The following DPP6 variants were observed in gnomAD, a reference collection of about 807,000 sequenced individuals.
The protein encoded by DPP6 is dipeptidyl peptidase like 6.
In DPP6, 69 loss-of-function variants were observed where a neutral mutation model predicts 122.6. That is an observed-to-expected ratio of 0.56 (90% CI 0.46 to 0.69). DPP6 has a LOEUF of 0.69. Ranked by LOEUF, DPP6 falls within the 30% of genes least tolerant of loss-of-function variation. The pLI is 0.00. For synonymous variants in DPP6, 418 were observed against 433.1 expected (o/e 0.97, Z 0.43); for missense variants, 928 against 1,116.9 (o/e 0.83, Z 2.41).
intron 1 of DPP6, among the ~76,000 whole-genome samples, chr7:153,928,715 G>A (rs1403810005): frequency 1.3e-5 from 2 of 152,100 alleles, no homozygotes; most frequent in African/African-American, 2.4e-5. Context: ...TCACGTTGGT[G>A]ATTACATTTC....
chr7:154,856,896 C>G (rs1802883099), intron 17 of DPP6, among the ~76,000 whole-genome samples: 4 of 152,228 alleles, frequency 2.6e-5, no homozygotes, highest in Admixed American at 2.6e-4. Flanking sequence ...GTACTCCCTT[C>G]TTCTCTGTGT....
At chr7:154,551,621 A>T (rs926916339) in intron 4 of DPP6, among the ~76,000 whole-genome samples, 1 of 152,130 alleles carries the variant, frequency 6.6e-6, no homozygotes, top group African/African-American at 2.4e-5. Flanking sequence ...TTTAGAAAAA[A>T]ACTTGTTGGA....
chr7:154,216,984 C>G (rs899323205), intron 1 of DPP6, among the ~76,000 whole-genome samples: 25 of 152,010 alleles, frequency 1.6e-4, no homozygotes, highest in African/African-American at 5.8e-4. Flanking sequence ...TATTCTAATC[C>G]TAATTGCATG....
rs112481966 is a variant in DPP6, at chr7:153,938,103, G to A, written c.51+50369G>A. Among the ~76,000 whole-genome samples, 799 of 152,286 alleles carry A rather than the reference G, an allele frequency of 5.2e-3. 5 individuals carry two copies. Among genetic ancestry groups the A allele is most frequent in the African/African-American group, 0.018 (741 of 41,554 alleles). ...GAGTCCCTTTCTCTCTGAAGAATAT[G>A]ATGAGCTCCCTGCAAAATCTGATCT... On this transcript the variant is annotated intron_variant, in intron 1 of 25. Coordinates refer to the DPP6 transcript ENST00000404039.
chr7:154,160,684 G>A (rs1357165582), intron 1 of DPP6, among the ~76,000 whole-genome samples: 1 of 152,130 alleles, frequency 6.6e-6, no homozygotes, highest in Non-Finnish European at 1.5e-5. Context: ...CAAATGTTTA[G>A]CTTAGATTGA....
At chr7:154,575,363 TGA>T (rs1831530125) in intron 5 of DPP6, among the ~76,000 whole-genome samples, 1 of 63,212 alleles carries the variant, frequency 1.6e-5, no homozygotes, top group Non-Finnish European at 3.2e-5. Flanking sequence ...GGTGTGTGTG[TGA>T]TGTGTGTGTA....
intron 1 of DPP6, among the ~76,000 whole-genome samples, chr7:154,380,432 C>A (rs907980311): frequency 1.3e-5 from 2 of 152,204 alleles, no homozygotes; most frequent in Admixed American, 6.5e-5. Context: ...TTGGCGACAT[C>A]TACATGAAGT....
chr7:154,451,058 G>T (rs184084391), intron 2 of DPP6, among the ~76,000 whole-genome samples: 2 of 152,060 alleles, frequency 1.3e-5, no homozygotes, highest in Non-Finnish European at 2.9e-5. Context: ...GGGCTGTCAC[G>T]AGTGTCACTC....
chr7:154,395,900 A>T (rs1283909531), intron 1 of DPP6, among the ~76,000 whole-genome samples: 1 of 145,280 alleles, frequency 6.9e-6, no homozygotes, highest in Non-Finnish European at 1.5e-5. Context: ...TTTTGTATGG[A>T]TTTTATTTAT....
At chr7:154,094,092 A>G (rs1157146092) in intron 1 of DPP6, 3 of 152,232 alleles carry the variant, frequency 2.0e-5, no homozygotes, top group Non-Finnish European at 4.4e-5. Flanking sequence ...ACAGGTATAC[A>G]AAATATGTAT....
intron 7 of DPP6, among the ~76,000 whole-genome samples, chr7:154,692,954 G>C (rs1162814882): frequency 2.0e-5 from 3 of 151,144 alleles, no homozygotes; most frequent in Non-Finnish European, 4.4e-5. Flanking sequence ...ACTACACCCG[G>C]CTAATTTTTA....
At chr7:154,600,964 G>A (rs1833389423) in intron 5 of DPP6, among the ~76,000 whole-genome samples, 1 of 120,302 alleles carries the variant, frequency 8.3e-6, no homozygotes. Context: ...GGTGGTACAT[G>A]CCTGTAATCC....
chr7:153,891,220 C>T (rs929901268), intron 1 of DPP6, among the ~76,000 whole-genome samples: 7 of 150,274 alleles, frequency 4.7e-5, no homozygotes, highest in African/African-American at 1.2e-4. Context: ...GACGGGGTTT[C>T]GCCATGTTAG....
At chr7:154,625,335 T>C (rs1252903223) in intron 5 of DPP6, among the ~76,000 whole-genome samples, 1 of 151,422 alleles carries the variant, frequency 6.6e-6, no homozygotes, top group Non-Finnish European at 1.5e-5. Context: ...TTTTTTAAGA[T>C]AGAAGGAGAA....
Position 154,529,358 on chromosome 7 carries a change from G to A in DPP6, c.458-11174G>A, listed in dbSNP as rs144872206. On this transcript the variant is annotated intron_variant, in intron 3 of 25. Transcript: ENST00000377770. Reference sequence around the variant, plus strand: ...CTTCACTAACAACACTAACAACAAAGCTGCTACCCAAGAAACAAACTTGGC... The same window carrying A: ...CTTCACTAACAACACTAACAACAAAACTGCTACCCAAGAAACAAACTTGGC... 2.3e-3 allele frequency among the ~76,000 whole-genome samples: 354 copies of A among 152,280 alleles called. 1 individual carries two copies. The highest frequency in any genetic ancestry group is 8.2e-3 in the African/African-American group (340 of 41,554).
chr7:154,463,195 C>CTTTTTTTTTTTTTT (rs368362408), intron 2 of DPP6, among the ~76,000 whole-genome samples: 2 of 84,110 alleles, frequency 2.4e-5, no homozygotes, highest in East Asian at 3.3e-4. Context: ...TTCTCCTTTT[C>CTTTTTTTTTTTTTT]TTTTTTTTTT....
chr7:154,435,946 G>A (rs911600954), intron 1 of DPP6, among the ~76,000 whole-genome samples: 1 of 152,144 alleles, frequency 6.6e-6, no homozygotes, highest in African/African-American at 2.4e-5. Context: ...GTAGCTGTGT[G>A]AATATCTTAC....
intron 16 of DPP6, among the ~76,000 whole-genome samples, chr7:154,835,347 G>T (rs1800966746): frequency 6.6e-6 from 1 of 152,150 alleles, no homozygotes; most frequent in Admixed American, 6.5e-5. Context: ...CTGCCGCCCT[G>T]CCCCCACCTT....
chr7:153,872,864 C>G, the DPP6 span, among the ~76,000 whole-genome samples: 3 of 152,172 alleles, frequency 2.0e-5, no homozygotes, highest in African/African-American at 7.2e-5. Context: ...TTTCCATATA[C>G]CTATGTATAG....
Sources: allele counts gnomAD v4.1 joint callset (sites outside exome capture counted in the v4.1 genomes callset), GRCh38; gene constraint gnomAD v4.1.1; transcripts MANE v1.5; gene names NCBI Gene and HGNC (gene_info 2026-07-23, HGNC 2026-07-21).